The following ENOX1 variants were observed in gnomAD, a reference collection of about 807,000 sequenced individuals.
ENOX1 encodes ecto-NOX disulfide-thiol exchanger 1, also known as candidate growth-related and time keeping constitutive hydroquinone (NADH) oxidase.
Under a neutral mutation model 82.5 loss-of-function variants are expected in ENOX1, and 42 were observed. That is an observed-to-expected ratio of 0.51 (90% confidence interval 0.40 to 0.66). The LOEUF is 0.66. Among genes scored for constraint, ENOX1 ranks in the 30% least tolerant of loss-of-function variants. The pLI, the probability that ENOX1 is intolerant of heterozygous loss-of-function variation, is 0.00. For missense variants in ENOX1, 608 were observed against 811.6 expected, an observed-to-expected ratio of 0.75 and a Z score of 3.05; for synonymous variants, 271 against 282.2, an observed-to-expected ratio of 0.96 and a Z score of 0.40.
chr13:43,692,845 T>A (rs895813938), intron 1 of ENOX1, among the ~76,000 whole-genome samples: 2 of 152,134 alleles, frequency 1.3e-5, no homozygotes, highest in African/African-American at 4.8e-5. Flanking sequence ...TTGCAGGAAG[T>A]AGTTTAAGAG....
At chr13:43,429,638 A>G (rs2055541899) in intron 3 of ENOX1, among the ~76,000 whole-genome samples, 1 of 152,206 alleles carries the variant, frequency 6.6e-6, no homozygotes, top group South Asian at 2.1e-4. Context: ...TTGGATATGT[A>G]ATCTGCTGTT....
chr13:43,241,764 T>G (rs1386310822), intron 14 of ENOX1, among the ~76,000 whole-genome samples: 1 of 152,214 alleles, frequency 6.6e-6, no homozygotes, highest in Non-Finnish European at 1.5e-5. Flanking sequence ...AAAGACTTCT[T>G]AAAGAGTTAG....
At chr13:43,533,088 ATT>A (rs2078300216) in intron 2 of ENOX1, among the ~76,000 whole-genome samples, 1 of 152,122 alleles carries the variant, frequency 6.6e-6, no homozygotes, top group African/African-American at 2.4e-5. Flanking sequence ...GCCTTAATTT[ATT>A]TAGCCCTGGA....
intron 3 of ENOX1, among the ~76,000 whole-genome samples, chr13:43,470,317 C>G (rs58388664): frequency 4.7e-5 from 2 of 42,146 alleles, no homozygotes; most frequent in Admixed American, 4.6e-4. Flanking sequence ...CATATATATA[C>G]ACATATATAT....
chr13:43,582,664 C>A (rs980349841), intron 2 of ENOX1, among the ~76,000 whole-genome samples: 6 of 152,094 alleles, frequency 3.9e-5, no homozygotes, highest in Admixed American at 6.5e-5. Context: ...CACTCAACCT[C>A]CCAGGCTCAT....
intron 8 of ENOX1, among the ~76,000 whole-genome samples, chr13:43,350,646 T>C (rs9652187): frequency 0.22 from 33,258 of 152,088 alleles, 4,069 homozygotes; most frequent in Admixed American, 0.37. Flanking sequence ...GGTTTCTCCA[T>C]GTTGGTCAGG....
chr13:43,709,602 G>A (rs2087550758), intron 1 of ENOX1, among the ~76,000 whole-genome samples: 1 of 151,758 alleles, frequency 6.6e-6, no homozygotes, highest in African/African-American at 2.4e-5. Flanking sequence ...GAAGGAAGAA[G>A]ATGAGGAGGA....
At chr13:43,415,390 T>C (rs1466662243) in intron 3 of ENOX1, among the ~76,000 whole-genome samples, 5 of 152,032 alleles carry the variant, frequency 3.3e-5, no homozygotes, top group Non-Finnish European at 7.4e-5. Flanking sequence ...CAGAGGTCCC[T>C]GCGGCCTTCC....
chr13:43,660,286 T>C (rs1375343441), intron 2 of ENOX1, among the ~76,000 whole-genome samples: 1 of 152,226 alleles, frequency 6.6e-6, no homozygotes, highest in Non-Finnish European at 1.5e-5. Flanking sequence ...CTCATCGGTG[T>C]GTGCCTTTTA....
At chr13:43,622,848 T>C (rs1235934041) in intron 2 of ENOX1, among the ~76,000 whole-genome samples, 2 of 152,100 alleles carry the variant, frequency 1.3e-5, no homozygotes, top group Non-Finnish European at 2.9e-5. Context: ...TATCTTCCGC[T>C]ACTAGGGTGG....
At chr13:43,548,743 C>G (rs759560410) in intron 2 of ENOX1, among the ~76,000 whole-genome samples, 1 of 152,140 alleles carries the variant, frequency 6.6e-6, no homozygotes, top group Non-Finnish European at 1.5e-5. Context: ...TAAGCTAAGA[C>G]GGGACGACCC....
At chr13:43,322,801 C>A (rs2047893550) in intron 10 of ENOX1, among the ~76,000 whole-genome samples, 1 of 152,138 alleles carries the variant, frequency 6.6e-6, no homozygotes. Flanking sequence ...CCTAATAGGG[C>A]TGCAAAGATT....
At chr13:43,705,220 C>A (rs1391725860) in intron 1 of ENOX1, among the ~76,000 whole-genome samples, 1 of 150,774 alleles carries the variant, frequency 6.6e-6, no homozygotes, top group Non-Finnish European at 1.5e-5. Flanking sequence ...ATATGTAACA[C>A]CCCTGCAGTG....
intron 2 of ENOX1, among the ~76,000 whole-genome samples, chr13:43,515,692 C>A (rs1489556139): frequency 1.3e-5 from 2 of 152,184 alleles, no homozygotes; most frequent in Admixed American, 1.3e-4. Flanking sequence ...TCAACCACTA[C>A]ACTATGCTAG....
At chr13:43,725,435 T>C (rs2088875702) in intron 1 of ENOX1, among the ~76,000 whole-genome samples, 1 of 152,112 alleles carries the variant, frequency 6.6e-6, no homozygotes, top group Non-Finnish European at 1.5e-5. Flanking sequence ...ATTCTTTTGT[T>C]GTAAAGGGAC....
At chr13:43,371,375 C>A (rs1373354759) in intron 5 of ENOX1, among the ~76,000 whole-genome samples, 1 of 152,184 alleles carries the variant, frequency 6.6e-6, no homozygotes, top group Non-Finnish European at 1.5e-5. Context: ...ATTATAATTT[C>A]TTTCTGGCAT....
intron 1 of ENOX1, among the ~76,000 whole-genome samples, chr13:43,749,287 T>C (rs1214758764): frequency 1.3e-5 from 2 of 152,244 alleles, no homozygotes. Context: ...TCAGCTACAA[T>C]TATTTACAAG....
chr13:43,777,540 A>AT (rs1486173160), intron 1 of ENOX1, among the ~76,000 whole-genome samples: 2 of 132,748 alleles, frequency 1.5e-5, no homozygotes, highest in Non-Finnish European at 3.5e-5. Context: ...TCTCTGTATT[A>AT]TTTCTTTTTT....
At chr13:43,600,587 T>TG (rs1305650306) in intron 2 of ENOX1, among the ~76,000 whole-genome samples, 1 of 152,054 alleles carries the variant, frequency 6.6e-6, no homozygotes, top group East Asian at 1.9e-4. Flanking sequence ...ATCTCTAACC[T>TG]GGGGGGGATC....
Sources: allele counts gnomAD v4.1 joint callset (sites outside exome capture counted in the v4.1 genomes callset), GRCh38; gene constraint gnomAD v4.1.1; transcripts MANE v1.5; gene names NCBI Gene and HGNC (gene_info 2026-07-23, HGNC 2026-07-21).